Variants in NR6A1 observed in about 807,000 individuals in gnomAD.
The protein encoded by NR6A1 is retinoic acid receptor-related testis-associated receptor.
NR6A1 carries 7 observed loss-of-function variants against 59.1 expected under a neutral mutation model. That is an observed-to-expected ratio of 0.12 (90% CI 0.07 to 0.22). The LOEUF (loss-of-function observed/expected upper bound fraction) is 0.22, where lower values mean the gene tolerates loss of function less well. NR6A1 is among the 10% of genes least tolerant of loss of function. NR6A1 has a pLI of 1.00. For missense variants in NR6A1, 468 were observed against 611.6 expected, an observed-to-expected ratio of 0.77 and a Z score of 2.48; for synonymous variants, 243 against 236.1, an observed-to-expected ratio of 1.03 and a Z score of -0.27.
intron 2 of NR6A1, chr9:124,599,705 C>T: frequency 1.9e-6 from 1 of 530,790 alleles, no homozygotes. Context: ...AATGGCAGAA[C>T]CTTAGTTAAC....
intron 2 of NR6A1, among the ~76,000 whole-genome samples, chr9:124,704,950 G>A (rs1205576409): frequency 6.6e-6 from 1 of 152,152 alleles, no homozygotes; most frequent in Admixed American, 6.6e-5. Flanking sequence ...TGCCCAGGCT[G>A]GTCTAGAACT....
chr9:124,732,853 C>A (rs554479127), intron 2 of NR6A1, among the ~76,000 whole-genome samples: 1 of 152,054 alleles, frequency 6.6e-6, no homozygotes, highest in African/African-American at 2.4e-5. Flanking sequence ...CCCGCCACCA[C>A]GCCCGGCTGA....
intron 2 of NR6A1, among the ~76,000 whole-genome samples, chr9:124,727,094 T>G (rs974829606): frequency 6.3e-4 from 93 of 146,806 alleles, no homozygotes; most frequent in Non-Finnish European, 5.3e-4. Context: ...GGGCTCTTGA[T>G]TAATAGACCT....
At chr9:124,747,155 T>C (rs557531160) in intron 1 of NR6A1, among the ~76,000 whole-genome samples, 1 of 151,100 alleles carries the variant, frequency 6.6e-6, no homozygotes, top group Non-Finnish European at 1.5e-5. Flanking sequence ...AGCAGTCACA[T>C]CCTTACAGAT....
chr9:124,671,963 C>G (rs1356359131), intron 2 of NR6A1, among the ~76,000 whole-genome samples: 1 of 152,200 alleles, frequency 6.6e-6, no homozygotes, highest in Admixed American at 6.5e-5. Flanking sequence ...TGCCCTCCAG[C>G]TATTTTATCG....
intron 2 of NR6A1, among the ~76,000 whole-genome samples, chr9:124,645,745 C>G (rs1209146734): frequency 6.6e-6 from 1 of 152,156 alleles, no homozygotes; most frequent in African/African-American, 2.4e-5. Context: ...ATGTTGAACT[C>G]AACAGCACTA....
chr9:124,594,127 T>C (rs562907883), intron 2 of NR6A1, among the ~76,000 whole-genome samples: 2 of 140,752 alleles, frequency 1.4e-5, no homozygotes, highest in Admixed American at 1.5e-4. Context: ...TTGTAAGCAG[T>C]TGATTTTGCC....
intron 2 of NR6A1, among the ~76,000 whole-genome samples, chr9:124,584,675 ACTGCTCCACTGACCAGCCATTCC>A (rs1157855585): frequency 1.3e-5 from 2 of 152,090 alleles, no homozygotes; most frequent in Non-Finnish European, 2.9e-5. Flanking sequence ...ATGTGTTCTG[ACTGCTCCACTGACCAGCCATTCC>A]CCCATCTCTC....
At chr9:124,751,729 G>C (rs1418067747) in intron 1 of NR6A1, among the ~76,000 whole-genome samples, 2 of 152,174 alleles carry the variant, frequency 1.3e-5, no homozygotes, top group African/African-American at 4.8e-5. Context: ...AATGTTCAGA[G>C]ATATGGCTAG....
At position 124,725,515 on chromosome 9, in the gene NR6A1, T is replaced by G. The variant is rs80071377; in HGVS notation, c.142+7793A>C. On this transcript the variant is annotated intron_variant, in intron 2 of 9. Coordinates refer to ENST00000487099, the MANE Select transcript of NR6A1 (RefSeq NM_033334.4). ...GCCTACAACCACTGCCATGCACAAC[T>G]GGAAATTAGCAACGAAGTATTTCCT... 1.3e-3 allele frequency among the ~76,000 whole-genome samples: 195 copies of G among 152,336 alleles called. 1 individual carries two copies. The highest frequency in any genetic ancestry group is 4.5e-3 in the African/African-American group (186 of 41,578).
intron 2 of NR6A1, among the ~76,000 whole-genome samples, chr9:124,636,228 G>T (rs1836608106): frequency 6.6e-6 from 1 of 152,024 alleles, no homozygotes; most frequent in African/African-American, 2.4e-5. Context: ...AGTTTTAAAG[G>T]TTCTTTAGAC....
intron 1 of NR6A1, among the ~76,000 whole-genome samples, chr9:124,753,974 G>C (rs998492583): frequency 6.6e-6 from 1 of 152,064 alleles, no homozygotes; most frequent in African/African-American, 2.4e-5. Flanking sequence ...AACCCTAAAG[G>C]GCACCAAGGA....
At chr9:124,577,880 GA>G (rs1454850919) in intron 2 of NR6A1, among the ~76,000 whole-genome samples, 2 of 152,178 alleles carry the variant, frequency 1.3e-5, no homozygotes, top group Non-Finnish European at 2.9e-5. Context: ...GCTTCACACT[GA>G]AATCCTTAAA....
chr9:124,749,025 G>T (rs1840420265), intron 1 of NR6A1, among the ~76,000 whole-genome samples: 2 of 152,170 alleles, frequency 1.3e-5, no homozygotes, highest in African/African-American at 4.8e-5. Flanking sequence ...CACTTTGGGA[G>T]GCCAAGGCGG....
At chr9:124,682,802 C>A (rs1426904209) in intron 2 of NR6A1, among the ~76,000 whole-genome samples, 6 of 152,088 alleles carry the variant, frequency 3.9e-5, no homozygotes, top group Non-Finnish European at 2.9e-5. Context: ...GACAATAATT[C>A]TTTCTTTGTT....
intron 2 of NR6A1, among the ~76,000 whole-genome samples, chr9:124,583,919 T>C (rs1016911444): frequency 1.3e-5 from 2 of 152,124 alleles, no homozygotes; most frequent in African/African-American, 4.8e-5. Context: ...ATTACACTTA[T>C]TTATGTGAGG....
At chr9:124,648,297 A>G (rs1836997088) in intron 2 of NR6A1, among the ~76,000 whole-genome samples, 1 of 152,222 alleles carries the variant, frequency 6.6e-6, no homozygotes, top group African/African-American at 2.4e-5. Flanking sequence ...CAGGAGTTCG[A>G]GACCAGCCTG....
intron 7 of NR6A1, among the ~76,000 whole-genome samples, chr9:124,531,884 T>C (rs1275290958): frequency 1.3e-5 from 2 of 152,232 alleles, no homozygotes; most frequent in African/African-American, 2.4e-5. Context: ...TGCTGCTTTG[T>C]CCAGGCCTTG....
At chr9:124,593,530 A>G (rs1835188555) in intron 2 of NR6A1, among the ~76,000 whole-genome samples, 1 of 152,230 alleles carries the variant, frequency 6.6e-6, no homozygotes, top group Non-Finnish European at 1.5e-5. Context: ...TCAATACAGT[A>G]TTAGCATGAG....
Sources: gnomAD v4.1 joint callset for allele counts (sites outside exome capture counted in the v4.1 genomes callset) on GRCh38, gnomAD v4.1.1 for gene constraint, MANE v1.5 for transcripts, NCBI Gene and HGNC (gene_info 2026-07-23, HGNC 2026-07-21) for gene names.